The following MEAK7 variants were observed in gnomAD, a reference collection of about 807,000 sequenced individuals.
The protein encoded by MEAK7 is MTOR-associated protein MEAK7.
In MEAK7, 68 loss-of-function variants were observed where a neutral mutation model predicts 40.5. That is an observed-to-expected ratio of 1.68 (90% CI 1.38 to 2.06). MEAK7 has a LOEUF of 2.06. MEAK7 is among the 30% of genes most tolerant of loss of function. The probability of loss-of-function intolerance (pLI) is 0.00; values close to 1 mark genes in which losing one functional copy is unlikely to be tolerated. For missense variants in MEAK7, 918 were observed against 580.5 expected, an observed-to-expected ratio of 1.58 and a Z score of -5.98; for synonymous variants, 338 against 231.9, an observed-to-expected ratio of 1.46 and a Z score of -4.16.
At chr16:84,498,867 T>G (rs1028876946) in intron 1 of MEAK7, among the ~76,000 whole-genome samples, 10 of 152,210 alleles carry the variant, frequency 6.6e-5, no homozygotes, top group Non-Finnish European at 1.5e-4. Context: ...GTTGGGAAGT[T>G]TTTCCTTTGT....
At chr16:84,480,066 C>A in intron 7 of MEAK7, 40 bp from the exon 8 acceptor site, 2 of 1,492,640 alleles carry the variant, frequency 1.3e-6, no homozygotes, top group Admixed American at 1.9e-5. Context: ...TCCATGATGG[C>A]CCAACAAGAG....
intron 5 of MEAK7, among the ~76,000 whole-genome samples, chr16:84,483,326 T>A (rs1003500230): frequency 6.6e-6 from 1 of 152,124 alleles, no homozygotes; most frequent in Non-Finnish European, 1.5e-5. Flanking sequence ...ACTCCTCCAC[T>A]CCATAAGCAC....
intron 3 of MEAK7, among the ~76,000 whole-genome samples, chr16:84,494,187 CTAAGTA>C (rs1913854802): frequency 6.6e-6 from 1 of 152,136 alleles, no homozygotes; most frequent in South Asian, 2.1e-4. Context: ...AATAATCAAG[CTAAGTA>C]TAATTAGACT....
chr16:84,482,857 G>A, intron 5 of MEAK7, 147 bp from the exon 6 acceptor site: 6 of 1,265,116 alleles, frequency 4.7e-6, no homozygotes, highest in Non-Finnish European at 6.6e-6. Flanking sequence ...CAGGGTTTGG[G>A]ACAAGCTGCT....
chr16:84,482,020 C>T (rs774220361), intron 6 of MEAK7, among the ~76,000 whole-genome samples: 13 of 152,192 alleles, frequency 8.5e-5, no homozygotes, highest in Non-Finnish European at 1.2e-4. Context: ...AGCTGAGCTT[C>T]GGCGTGGATG....
chr16:84,489,859 T>C (rs183103885), intron 3 of MEAK7, among the ~76,000 whole-genome samples: 289 of 152,250 alleles, frequency 1.9e-3, no homozygotes, highest in Admixed American at 4.1e-3. Context: ...TCCATAATGA[T>C]AGAGGGCAAG....
intron 2 of MEAK7, chr16:84,497,678 A>C: frequency 2.0e-6 from 3 of 1,468,602 alleles, no homozygotes; most frequent in Non-Finnish European, 2.7e-6. Context: ...TATTGATTTC[A>C]AAAACGGGGA....
rs1029489624 is a variant in MEAK7, at chr16:84,497,853, G to A, written c.153+81C>T. On this transcript the variant is annotated intron_variant, in intron 2 of 7. Coordinates refer to ENST00000343629, the MANE Select transcript of MEAK7 (RefSeq NM_020947.4). ...GCCATCCATCCCATTACAAAAACAC[G>A]AAAGCAGATTCTGGCCTGAAAGCCA... 32 of 1,585,796 alleles carry A rather than the reference G, an allele frequency of 2.0e-5. 1 individual carries two copies. In the Admixed American group the frequency reaches 3.6e-4, roughly 18 times the overall value.
intron 1 of MEAK7, chr16:84,504,135 T>C (rs1035440843): frequency 1.0e-6 from 1 of 985,534 alleles, no homozygotes; most frequent in Non-Finnish European, 1.2e-6. Context: ...GGAACAGTTA[T>C]CAGCTCACTG....
rs1003292173 is a variant in MEAK7 at position 84,478,390 on chromosome 16, G to C, written c.*1523C>G. 6.6e-6 allele frequency: 1 copy of C among 152,214 alleles called. No individual in the cohort carries two copies. The highest frequency in any genetic ancestry group is 6.5e-5 in the Admixed American group (1 of 15,274). The allele number at this position is 152,214 out of a possible 1,614,324, so 9.4% of individuals were successfully genotyped here. The stretch of plus-strand genomic sequence containing the variant: ...CCTGAGTCAGGGCTATTGCTAAGTG[G>C]AAGGTTTGATGAACCTCCCAGTAGA... On this transcript the variant is annotated 3_prime_UTR_variant, in exon 8 of 8. Transcript: ENST00000343629.
chr16:84,502,614 A>G (rs1298803157), intron 1 of MEAK7: 1 of 152,040 alleles, frequency 6.6e-6, no homozygotes, highest in African/African-American at 2.4e-5. Flanking sequence ...AAAGCTTTCC[A>G]TCATCAAGCC....
In MEAK7 at chr16:84,502,369, C is replaced by G. The variant is rs1201325480; in HGVS notation, c.-26+2232G>C. Among the ~76,000 whole-genome samples, 3 of 152,072 alleles carry G rather than the reference C, an allele frequency of 2.0e-5. No homozygotes were observed. The East Asian group carries it at 5.8e-4, about 29-fold the overall frequency. On this transcript the variant is annotated intron_variant, in intron 1 of 7. Coordinates refer to ENST00000343629, the MANE Select transcript of MEAK7 (RefSeq NM_020947.4). ...TCCTACAGTGCACAGGATGGCCTTA[C>G]GACGAGGAAGTGTCCGTCCCAGACA...
At chr16:84,483,323 C>A (rs971184773) in intron 5 of MEAK7, among the ~76,000 whole-genome samples, 5 of 152,256 alleles carry the variant, frequency 3.3e-5, no homozygotes, top group Non-Finnish European at 5.9e-5. Flanking sequence ...GAGACTCCTC[C>A]ACTCCATAAG....
chr16:84,476,984 C>G lies in MEAK7; in HGVS notation c.*2929G>C, dbSNP rs1214832936. ...ACAGCTTATAGCAGCCTCAACCTTC[C>G]AGGCCTAAATGATCCTCACACCTCA... On this transcript the variant is annotated 3_prime_UTR_variant, in exon 8 of 8. Transcript: ENST00000343629. 6.6e-6 allele frequency: 1 copy of G among 152,222 alleles called. No individual in the cohort carries two copies. Among genetic ancestry groups the G allele is most frequent in the Non-Finnish European group, 1.5e-5 (1 of 68,098 alleles). The allele number at this position is 152,222 out of a possible 1,614,324, so 9.4% of individuals were successfully genotyped here. A position where few individuals can be genotyped will look rare whatever the true frequency, so the allele number is the denominator to read the frequency against.
Position 84,498,121 on chromosome 16 carries a change from G to A in MEAK7, c.-25-10C>T, listed in dbSNP as rs1914207202. 6.4e-7 allele frequency: 1 copy of A among 1,550,728 alleles called. No individual in the cohort carries two copies. Among genetic ancestry groups the A allele is most frequent in the Non-Finnish European group, 8.7e-7 (1 of 1,153,178 alleles). ...TATCTGGCAGAATTCTCTGCAGAAG[G>A]AAAAGACACAACATTAGAAAAATCA... is the stretch of plus-strand genomic sequence containing the variant. On this transcript the variant is annotated splice_polypyrimidine_tract_variant and intron_variant, in intron 1 of 7. Transcript: ENST00000343629.
chr16:84,494,956 C>G, intron 3 of MEAK7: 3 of 386,936 alleles, frequency 7.8e-6, no homozygotes, highest in Non-Finnish European at 1.5e-5. Context: ...AAGCAGACAG[C>G]TACAGATAAA....
At chr16:84,483,808 A>G (rs1912790591) in intron 5 of MEAK7, among the ~76,000 whole-genome samples, 1 of 152,124 alleles carries the variant, frequency 6.6e-6, no homozygotes, top group East Asian at 1.9e-4. Flanking sequence ...CCCCATGGAG[A>G]AGGGATCCCA....
At chr16:84,496,067 G>T (rs984653887) in intron 2 of MEAK7, among the ~76,000 whole-genome samples, 154 bp from the exon 3 acceptor site, 3 of 152,120 alleles carry the variant, frequency 2.0e-5, no homozygotes, top group African/African-American at 7.2e-5. Flanking sequence ...GTAAAGCCCC[G>T]TCTCTTAGAG....
chr16:84,498,118 A>G lies in MEAK7; in HGVS notation c.-25-7T>C. On this transcript the variant is annotated splice_region_variant and splice_polypyrimidine_tract_variant and intron_variant, in intron 1 of 7. Coordinates refer to ENST00000343629, the MANE Select transcript of MEAK7 (RefSeq NM_020947.4). ...TGATATCTGGCAGAATTCTCTGCAG[A>G]AGGAAAAGACACAACATTAGAAAAA... The G allele has an allele frequency of 6.4e-7, 1 of 1,556,384 alleles. No individual in the cohort carries two copies. The highest frequency in any genetic ancestry group is 8.7e-7 in the Non-Finnish European group (1 of 1,155,822).
Sources: gnomAD v4.1 joint callset for allele counts (sites outside exome capture counted in the v4.1 genomes callset) on GRCh38, gnomAD v4.1.1 for gene constraint, MANE v1.5 for transcripts, NCBI Gene and HGNC (gene_info 2026-07-23, HGNC 2026-07-21) for gene names.